USP36: variants seen among roughly 807,000 people sequenced by gnomAD.
USP36 encodes ubiquitin carboxyl-terminal hydrolase 36.
In USP36, 59 loss-of-function variants were observed where a neutral mutation model predicts 111.5. The observed-to-expected ratio is 0.53, with a 90% CI of 0.43 to 0.66. The LOEUF is 0.66. USP36 is among the 30% of genes least tolerant of loss of function. USP36 has a pLI of 0.00. For synonymous variants in USP36, 628 were observed against 581.0 expected (o/e 1.08, Z -1.16); for missense variants, 1,488 against 1,468.0 (o/e 1.01, Z -0.22).
Position 78,797,496 on chromosome 17 carries a change from T to C in USP36, c.*404A>G, listed in dbSNP as rs939426117. ...GGATGGCTTGCCCAGAGCCACCAGC[T>C]ATGCACCGGGAGACCACCTGGGGGA... On this transcript the variant is annotated 3_prime_UTR_variant, in exon 21 of 21. Coordinates refer to ENST00000449938, the MANE Select transcript of USP36 (RefSeq NM_001385174.1). 1.3e-5 allele frequency: 2 copies of C among 152,154 alleles called. No individual in the cohort carries two copies. Among genetic ancestry groups the C allele is most frequent in the African/African-American group, 4.8e-5 (2 of 41,382 alleles). The allele number at this position is 152,154 out of a possible 1,614,324, so 9.4% of individuals were successfully genotyped here. A position where few individuals can be genotyped will look rare whatever the true frequency, so the allele number is the denominator to read the frequency against.
At chr17:78,835,185 T>C in intron 4 of USP36, 95 bp downstream of exon 4, 1 of 1,315,588 alleles carries the variant, frequency 7.6e-7, no homozygotes, top group Non-Finnish European at 1.1e-6. Context: ...CCCTCCTAAA[T>C]TTGACCCAGA....
Position 78,821,933 on chromosome 17 carries a change from T to C in USP36, c.757+4A>G. The C allele has an allele frequency of 1.2e-6, 2 of 1,614,104 alleles. No individual in the cohort carries two copies. Among genetic ancestry groups the C allele is most frequent in the Non-Finnish European group, 8.5e-7 (1 of 1,179,966 alleles). ...GAAGCAGTAGAACAAACGTCTCCAC[T>C]TACCGCGTGATCTGAGATACCCTCC... On this transcript the variant is annotated splice_donor_region_variant and intron_variant, in intron 7 of 20. Coordinates refer to ENST00000449938, the MANE Select transcript of USP36 (RefSeq NM_001385174.1).
In USP36 at chr17:78,807,467, G is replaced by C; in HGVS notation, c.1577C>G (p.Pro526Arg). ...CTTTCCAGGGTCGTCTAGGATGGTT[G>C]GCATGTGTGTGGGTGTCTGGGAGAG... ...PKLSQTPTHM[P>R]TILDDPGKKV... is the part of the protein sequence containing the mutation. Residue 526 changes from proline to arginine, a missense_variant, in exon 14 of 21, where the codon CCA becomes CGA. By Grantham distance (103) the Pro-to-Arg change is moderately radical. This residue lies in a region of USP36 where 1,073 missense variants were observed against 994.1 expected (regional missense o/e 1.08). Transcript: ENST00000449938. 6.2e-7 allele frequency: 1 copy of C among 1,614,074 alleles called. No individual in the cohort carries two copies. The highest frequency in any genetic ancestry group is 8.5e-7 in the Non-Finnish European group (1 of 1,179,984).
intron 7 of USP36, 149 bp from the exon 8 acceptor site, chr17:78,821,210 G>T (rs572364522): frequency 1.5e-6 from 1 of 660,594 alleles, no homozygotes; most frequent in Non-Finnish European, 2.5e-6. Context: ...CCTGGTGTCC[G>T]AACAGAGAGC....
intron 1 of USP36, among the ~76,000 whole-genome samples, chr17:78,839,681 G>A (rs929491297): frequency 8.5e-5 from 13 of 152,280 alleles, no homozygotes; most frequent in African/African-American, 9.6e-5. Context: ...TTTTTCAAGT[G>A]GGACAGGTCA....
rs549843211 is a variant in USP36 at position 78,803,279 on chromosome 17, G to A, written c.2810+106C>T. Reference sequence around the variant, plus strand: ...ACAAATCCACATTTTAGAAAACCACGCAAGCAGACTACGTTTCCAGACCAT... The same window carrying A: ...ACAAATCCACATTTTAGAAAACCACACAAGCAGACTACGTTTCCAGACCAT... On this transcript the variant is annotated intron_variant, in intron 16 of 20. Transcript: ENST00000449938. This position sits in a 1 kb window ranked among gnomAD's most constrained non-coding sequence, Gnocchi z 4.6. 13 of 1,269,394 alleles carry A rather than the reference G, an allele frequency of 1.0e-5. No homozygotes were observed. The highest frequency in any genetic ancestry group is 2.2e-5 in the Admixed American group (1 of 44,514). 78.6% of individuals were successfully genotyped at this position (1,269,394 alleles called of 1,614,324 possible).
intron 14 of USP36, among the ~76,000 whole-genome samples, chr17:78,806,685 A>G (rs991356818): frequency 1.3e-5 from 2 of 152,136 alleles, no homozygotes; most frequent in Non-Finnish European, 2.9e-5. Flanking sequence ...TCTTCCACCT[A>G]CTGTGAAAAC....
At chr17:78,819,884 T>C (rs778822043) in intron 9 of USP36, 46 bp downstream of exon 9, 1 of 1,595,858 alleles carries the variant, frequency 6.3e-7, no homozygotes, top group Non-Finnish European at 8.6e-7. Context: ...GGGGACTTAT[T>C]TCCCGTCTGG....
At chr17:78,828,856 A>C in intron 5 of USP36, 41 bp downstream of exon 5, 1 of 1,597,296 alleles carries the variant, frequency 6.3e-7, no homozygotes. Context: ...AAATTAAAAA[A>C]TAAATAAATC....
At chr17:78,795,285 A>G (rs1323034685), downstream of USP36, among the ~76,000 whole-genome samples, 2 of 152,158 alleles carry the variant, frequency 1.3e-5, no homozygotes, top group African/African-American at 2.4e-5. The surrounding 1 kb of genome is among the most constrained non-coding windows in gnomAD (Gnocchi z 4.5). Flanking sequence ...GTCCAGCCAA[A>G]CCCCTAAAGA....
intron 6 of USP36, among the ~76,000 whole-genome samples, chr17:78,823,339 G>A (rs1409445654): frequency 1.3e-5 from 2 of 152,022 alleles, no homozygotes; most frequent in African/African-American, 4.8e-5. Context: ...CCAAAATCCA[G>A]ACCACCCCCA....
intron 17 of USP36, among the ~76,000 whole-genome samples, chr17:78,801,557 G>C (rs563083231): frequency 3.3e-5 from 5 of 152,186 alleles, no homozygotes; most frequent in Admixed American, 3.3e-4. Context: ...TCTGTGGCGG[G>C]TGCCTGCCAA....
chr17:78,828,916 G>A lies in USP36; in HGVS notation c.567C>T (p.Ser189=), dbSNP rs1478179914. The A allele has an allele frequency of 3.1e-6, 5 of 1,614,094 alleles. No individual in the cohort carries two copies. The East Asian group carries it at 6.7e-5, about 22-fold the overall frequency. ...GCTTACTTTTCAGGTCTCGGATGAA[G>A]GAGACGGGCTTGATGGCGTTGCCGC... ...ANSGNAIKPV[S]FIRDLKKIAR... is the part of the protein sequence containing the mutation. The change falls in exon 5 of 21, where the codon TCC becomes TCT. Residue 189 remains serine, a synonymous_variant. Transcript: ENST00000449938.
At chr17:78,831,395 G>A (rs931686292) in intron 4 of USP36, among the ~76,000 whole-genome samples, 7 of 151,888 alleles carry the variant, frequency 4.6e-5, no homozygotes, top group East Asian at 1.9e-4. Flanking sequence ...GGTGGAACAC[G>A]TGAGGTCAAG....
intron 17 of USP36, among the ~76,000 whole-genome samples, chr17:78,802,034 G>A (rs780973114): frequency 1.1e-4 from 17 of 152,006 alleles, no homozygotes; most frequent in Non-Finnish European, 2.1e-4. Context: ...TGCAGTAGAC[G>A]CTGCTCTCAG....
chr17:78,789,850 T>C (rs925596417), intron 3 of USP36, among the ~76,000 whole-genome samples: 11 of 152,146 alleles, frequency 7.2e-5, no homozygotes, highest in African/African-American at 2.7e-4. Context: ...GGGGTGCGGG[T>C]AGGGCTCAGG....
intron 17 of USP36, 109 bp from the exon 18 acceptor site, chr17:78,799,877 CTTTTTTTTTTTTTTT>C (rs549964435): frequency 4.5e-4 from 70 of 155,592 alleles, no homozygotes; most frequent in Middle Eastern, 1.7e-3. Context: ...GGATGCTTGC[CTTTTTTTTTTTTTTT>C]TTTTTTTTTT....
chr17:78,815,170 A>G (rs974793131), intron 10 of USP36, among the ~76,000 whole-genome samples: 2 of 152,108 alleles, frequency 1.3e-5, no homozygotes, highest in Admixed American at 6.6e-5. Context: ...TGTCTCTACT[A>G]AAAATACAAA....
At chr17:78,804,703 T>A (rs35635171) in intron 15 of USP36, among the ~76,000 whole-genome samples, 11,150 of 149,220 alleles carry the variant, frequency 0.075, 813 homozygotes, top group East Asian at 0.18. Context: ...TTTTTTTTTT[T>A]AAAAGGCAAA....
Sources: gnomAD v4.1 joint callset for allele counts (sites outside exome capture counted in the v4.1 genomes callset) on GRCh38, gnomAD v4.1.1 for gene constraint, gnomAD v4.1.1 regional missense constraint, Gnocchi (gnomAD v3.1) non-coding constraint, MANE v1.5 for transcripts, NCBI Gene and HGNC (gene_info 2026-07-23, HGNC 2026-07-21) for gene names.